Variants in KCNMA1 observed in about 807,000 individuals in gnomAD.
KCNMA1 encodes Calcium-activated potassium channel subunit alpha-1.
In KCNMA1, 29 loss-of-function variants were observed where a neutral mutation model predicts 140.0. The observed-to-expected ratio is 0.21, with a 90% confidence interval of 0.15 to 0.28. The LOEUF is 0.28. KCNMA1 is among the 10% of genes least tolerant of loss of function. The pLI is 1.00. For missense variants in KCNMA1, 880 were observed against 1,602.2 expected (o/e 0.55, Z 7.70); for synonymous variants, 612 against 611.9 (o/e 1.00, Z 0.00).
At chr10:77,569,894 AAAAC>A (rs1357936446) in intron 1 of KCNMA1, among the ~76,000 whole-genome samples, 1 of 152,162 alleles carries the variant, frequency 6.6e-6, no homozygotes, top group East Asian at 1.9e-4. Context: ...TTACAAGAAA[AAAAC>A]AAACAACCCC....
chr10:77,345,649 C>T (rs190769411), intron 2 of KCNMA1, among the ~76,000 whole-genome samples: 1 of 152,166 alleles, frequency 6.6e-6, no homozygotes, highest in Non-Finnish European at 1.5e-5. Flanking sequence ...GGAGAGGAAC[C>T]AAGTTGGGTT....
At chr10:77,121,345 C>A (rs1181629081) in intron 5 of KCNMA1, among the ~76,000 whole-genome samples, 2 of 152,176 alleles carry the variant, frequency 1.3e-5, no homozygotes, top group African/African-American at 4.8e-5. Flanking sequence ...TGATTGAAAG[C>A]ACTGTTTCTA....
intron 5 of KCNMA1, among the ~76,000 whole-genome samples, chr10:77,124,059 G>A (rs2097683664): frequency 6.6e-6 from 1 of 152,132 alleles, no homozygotes; most frequent in South Asian, 2.1e-4. Context: ...CGGTTGCCTG[G>A]GGATAACTGA....
At chr10:77,204,118 A>G (rs1414324987) in intron 3 of KCNMA1, among the ~76,000 whole-genome samples, 3 of 151,894 alleles carry the variant, frequency 2.0e-5, no homozygotes, top group Non-Finnish European at 2.9e-5. Context: ...AAAAAGAAAG[A>G]AAGAAAAAAG....
intron 1 of KCNMA1, among the ~76,000 whole-genome samples, chr10:77,582,504 AACC>A (rs1293527942): frequency 6.6e-6 from 1 of 152,230 alleles, no homozygotes; most frequent in Non-Finnish European, 1.5e-5. Context: ...GGGTGCAGCA[AACC>A]ACCATGGCAC....
chr10:76,950,268 A>G, intron 21 of KCNMA1, among the ~76,000 whole-genome samples: 1 of 152,170 alleles, frequency 6.6e-6, no homozygotes, highest in African/African-American at 2.4e-5. Context: ...ACATTTCTGG[A>G]GGGGCCTGTT....
intron 14 of KCNMA1, among the ~76,000 whole-genome samples, chr10:77,056,432 G>A (rs1447079194): frequency 6.6e-6 from 1 of 151,420 alleles, no homozygotes; most frequent in Admixed American, 6.6e-5. Context: ...AAATAAAGCA[G>A]GTCATTACCT....
intron 27 of KCNMA1, 70 bp downstream of exon 27, chr10:76,889,381 G>T: frequency 1.9e-6 from 2 of 1,042,368 alleles, no homozygotes; most frequent in Non-Finnish European, 1.5e-6. Flanking sequence ...TGCCTTTACA[G>T]TAGGGGACAG....
At chr10:77,443,743 T>G (rs1217398165) in intron 1 of KCNMA1, among the ~76,000 whole-genome samples, 1 of 152,158 alleles carries the variant, frequency 6.6e-6, no homozygotes, top group East Asian at 1.9e-4. Flanking sequence ...GCTTTTCAAA[T>G]GGAACCAAAG....
chr10:77,309,632 A>T (rs1399902246), intron 2 of KCNMA1: 1 of 152,224 alleles, frequency 6.6e-6, no homozygotes, highest in South Asian at 2.1e-4. Flanking sequence ...AGGCAAATAT[A>T]TATTTTCCCC....
intron 2 of KCNMA1, among the ~76,000 whole-genome samples, chr10:77,334,032 A>T (rs2087769775): frequency 6.6e-6 from 1 of 152,132 alleles, no homozygotes; most frequent in Non-Finnish European, 1.5e-5. Context: ...AGATTTGTTC[A>T]CCTTCTTCAC....
At chr10:77,195,737 T>C (rs2040237852) in intron 3 of KCNMA1, among the ~76,000 whole-genome samples, 1 of 152,022 alleles carries the variant, frequency 6.6e-6, no homozygotes, top group African/African-American at 2.4e-5. Flanking sequence ...TCACTTAAAG[T>C]CAGGAGTTCG....
intron 2 of KCNMA1, among the ~76,000 whole-genome samples, chr10:77,335,886 T>C (rs1345791672): frequency 6.6e-6 from 1 of 152,130 alleles, no homozygotes; most frequent in East Asian, 1.9e-4. Context: ...TGCTCCTCAC[T>C]TCATATCACC....
chr10:76,885,193 A>C lies in KCNMA1; in HGVS notation c.*2073T>G, dbSNP rs1225266450. On this transcript the variant is annotated 3_prime_UTR_variant, in exon 28 of 28. Transcript: ENST00000286628. The stretch of plus-strand genomic sequence containing the variant: ...TCTTCATGATCCAATACTAGGGGAT[A>C]CATATATATAGTTATATATATAGTT... 1.1e-6 allele frequency: 1 copy of C among 884,944 alleles called. No homozygotes were observed. Among genetic ancestry groups the C allele is most frequent in the African/African-American group, 1.8e-5 (1 of 55,784 alleles). The allele number at this position is 884,944 out of a possible 1,614,324, so 54.8% of individuals were successfully genotyped here. A position where few individuals can be genotyped will look rare whatever the true frequency, so the allele number is the denominator to read the frequency against.
intron 1 of KCNMA1, among the ~76,000 whole-genome samples, chr10:77,478,740 TTAAA>T (rs1327693177): frequency 3.3e-5 from 5 of 152,182 alleles, no homozygotes; most frequent in Admixed American, 6.5e-5. Context: ...TCAAAGTCTG[TTAAA>T]TAAATAAACC....
At chr10:77,284,310 G>T (rs747483681) in intron 2 of KCNMA1, among the ~76,000 whole-genome samples, 2 of 152,110 alleles carry the variant, frequency 1.3e-5, no homozygotes, top group African/African-American at 4.8e-5. Flanking sequence ...CTGTCATTTT[G>T]TTCCCTGGGA....
chr10:77,575,913 T>C (rs1011116199), intron 1 of KCNMA1, among the ~76,000 whole-genome samples: 1 of 152,198 alleles, frequency 6.6e-6, no homozygotes, highest in Non-Finnish European at 1.5e-5. Flanking sequence ...TGAATTTCCA[T>C]TTCCAACAAG....
intron 5 of KCNMA1, among the ~76,000 whole-genome samples, chr10:77,137,217 A>G (rs1467140145): frequency 6.6e-6 from 1 of 152,168 alleles, no homozygotes; most frequent in African/African-American, 2.4e-5. Context: ...CAAGACAGAA[A>G]ACACAACAGC....
At chr10:77,577,009 A>C (rs189736961) in intron 1 of KCNMA1, among the ~76,000 whole-genome samples, 1 of 152,184 alleles carries the variant, frequency 6.6e-6, no homozygotes, top group Non-Finnish European at 1.5e-5. Flanking sequence ...GAAAGAATGG[A>C]GAAGAATGGA....
Sources: allele counts gnomAD v4.1 joint callset (sites outside exome capture counted in the v4.1 genomes callset), GRCh38; gene constraint gnomAD v4.1.1; transcripts MANE v1.5; gene names NCBI Gene and HGNC (gene_info 2026-07-23, HGNC 2026-07-21).